CADM2: variants seen among roughly 807,000 people sequenced by gnomAD.
CADM2 encodes immunoglobulin superfamily member 4D.
A neutral mutation model predicts 49.8 loss-of-function variants in CADM2; 12 were observed. The ratio of observed to expected loss-of-function variants is 0.24; its 90% CI spans 0.15 to 0.39. The LOEUF is 0.39. CADM2 is among the 10% of genes least tolerant of loss of function. The pLI is 1.00. For missense variants in CADM2, 378 were observed against 492.3 expected (o/e 0.77, Z 2.20); for synonymous variants, 214 against 175.4 (o/e 1.22, Z -1.74).
At chr3:85,999,097 C>G (rs12488773) in intron 8 of CADM2, among the ~76,000 whole-genome samples, 46,292 of 151,908 alleles carry the variant, frequency 0.3, 8,327 homozygotes, top group Admixed American at 0.39. Context: ...GTGAAGATAT[C>G]TAATTAACAA....
chr3:85,433,806 A>G (rs979413557), intron 1 of CADM2, among the ~76,000 whole-genome samples: 2 of 152,150 alleles, frequency 1.3e-5, no homozygotes, highest in African/African-American at 2.4e-5. Flanking sequence ...TTGATGAATC[A>G]AAAGAGAACT....
intron 1 of CADM2, among the ~76,000 whole-genome samples, chr3:85,590,180 T>C (rs1159340581): frequency 2.0e-5 from 3 of 151,886 alleles, no homozygotes; most frequent in Admixed American, 1.3e-4. Context: ...TTAGAACAAA[T>C]AGAGCCAAGC....
chr3:85,064,461 A>G (rs17735321), intron 1 of CADM2, among the ~76,000 whole-genome samples: 7,710 of 152,146 alleles, frequency 0.051, 264 homozygotes, highest in Non-Finnish European at 0.077. Flanking sequence ...TAGTGAGGAT[A>G]AGTGGAATCT....
intron 5 of CADM2, among the ~76,000 whole-genome samples, chr3:85,887,746 C>G (rs1465431800): frequency 6.6e-6 from 1 of 152,128 alleles, no homozygotes; most frequent in Non-Finnish European, 1.5e-5. Context: ...TGTCAAGGCT[C>G]AGTAACATCC....
intron 3 of CADM2, among the ~76,000 whole-genome samples, chr3:85,877,025 T>G (rs1711957307): frequency 6.6e-6 from 1 of 152,152 alleles, no homozygotes; most frequent in African/African-American, 2.4e-5. Flanking sequence ...TAAGTACTAT[T>G]TAATAGAGTT....
intron 6 of CADM2, among the ~76,000 whole-genome samples, chr3:85,925,772 C>T (rs1216117130): frequency 6.6e-6 from 1 of 152,056 alleles, no homozygotes; most frequent in Admixed American, 6.5e-5. Flanking sequence ...ATGCATACAG[C>T]GCCACAGTTC....
At chr3:85,128,180 A>ATAG (rs1217988116) in intron 1 of CADM2, among the ~76,000 whole-genome samples, 13 of 152,300 alleles carry the variant, frequency 8.5e-5, no homozygotes, top group Middle Eastern at 3.4e-3. Context: ...ACTCTATTAA[A>ATAG]CAGAAAAGCT....
intron 1 of CADM2, among the ~76,000 whole-genome samples, chr3:85,361,180 C>A (rs1014227024): frequency 6.6e-6 from 1 of 152,108 alleles, no homozygotes; most frequent in Admixed American, 6.6e-5. Context: ...TTGAACGATT[C>A]ATGAATTGGG....
At chr3:85,877,054 G>A (rs971959079) in intron 3 of CADM2, among the ~76,000 whole-genome samples, 1 of 152,072 alleles carries the variant, frequency 6.6e-6, no homozygotes, top group Non-Finnish European at 1.5e-5. Flanking sequence ...TGGTCATATA[G>A]TAGAGTGTTA....
chr3:85,907,867 C>T (rs1004897485), intron 5 of CADM2, among the ~76,000 whole-genome samples: 4 of 150,890 alleles, frequency 2.7e-5, no homozygotes, highest in African/African-American at 4.9e-5. Flanking sequence ...GCCAAGATTG[C>T]GCCACTGTAC....
rs1553720519 is a variant in CADM2, at chr3:85,999,267, G to GGA, written c.970+37621_970+37622insAG. 6.2e-4 allele frequency among the ~76,000 whole-genome samples: 82 copies of GGA among 132,978 alleles called. 1 individual carries two copies. Among genetic ancestry groups the GGA allele is most frequent in the African/African-American group, 2.2e-3 (75 of 33,744 alleles). 87.2% of individuals were successfully genotyped at this position (132,978 alleles called of 152,430 possible). On this transcript the variant is annotated intron_variant, in intron 8 of 9. Coordinates refer to ENST00000383699, the MANE Select transcript of CADM2 (RefSeq NM_001167675.2). ...TAATCCCATCACTTTGGGAGGCCGA[G>GGA]GGTTGGGGGGTGGATCACTTGAGTT...
chr3:85,224,692 A>G (rs1484163210), intron 1 of CADM2, among the ~76,000 whole-genome samples: 11 of 152,150 alleles, frequency 7.2e-5, no homozygotes, highest in Non-Finnish European at 1.5e-4. Context: ...TATGCCCTGA[A>G]TAGTATTGCC....
chr3:85,010,293 A>G (rs1048313235), intron 1 of CADM2, among the ~76,000 whole-genome samples: 7 of 152,204 alleles, frequency 4.6e-5, no homozygotes, highest in African/African-American at 1.7e-4. Context: ...CACAAAAACT[A>G]TTAAACCAAT....
At chr3:85,516,402 T>C (rs933669055) in intron 1 of CADM2, among the ~76,000 whole-genome samples, 8 of 152,196 alleles carry the variant, frequency 5.3e-5, no homozygotes, top group African/African-American at 1.7e-4. Context: ...TTAAAAATTA[T>C]CTGTCTCAAG....
At chr3:85,954,797 T>C (rs28522091) in intron 7 of CADM2, among the ~76,000 whole-genome samples, 103,727 of 151,036 alleles carry the variant, frequency 0.69, 36,773 homozygotes, top group African/African-American at 0.88. Context: ...ATAACATAAA[T>C]ATTGGGTGTA....
intron 7 of CADM2, among the ~76,000 whole-genome samples, chr3:85,957,009 A>G (rs1724148522): frequency 6.6e-6 from 1 of 151,646 alleles, no homozygotes; most frequent in Non-Finnish European, 1.5e-5. Flanking sequence ...TCTAAACCCC[A>G]AAGTATCACC....
At chr3:85,972,014 CT>C (rs148338516) in intron 8 of CADM2, among the ~76,000 whole-genome samples, 6,164 of 151,390 alleles carry the variant, frequency 0.041, 413 homozygotes, top group African/African-American at 0.14. Flanking sequence ...AAAAGAGTTC[CT>C]TTTTATGAAG....
At chr3:85,985,589 C>G in intron 8 of CADM2, among the ~76,000 whole-genome samples, 1 of 152,080 alleles carries the variant, frequency 6.6e-6, no homozygotes, top group East Asian at 1.9e-4. Context: ...AAATTATAGA[C>G]CCATAATTTT....
At chr3:86,026,498 G>A (rs986717620) in intron 8 of CADM2, among the ~76,000 whole-genome samples, 1 of 152,092 alleles carries the variant, frequency 6.6e-6, no homozygotes, top group African/African-American at 2.4e-5. Context: ...TAGAAATTAA[G>A]GTATTTTACA....
Sources: allele counts gnomAD v4.1 joint callset (sites outside exome capture counted in the v4.1 genomes callset), GRCh38; gene constraint gnomAD v4.1.1; transcripts MANE v1.5; gene names NCBI Gene and HGNC (gene_info 2026-07-23, HGNC 2026-07-21).